Variants in FGGY observed in about 807,000 individuals in gnomAD.
FGGY encodes the protein FGGY carbohydrate kinase domain containing.
FGGY carries 72 observed loss-of-function variants against 71.3 expected under a neutral mutation model. The observed-to-expected ratio is 1.01, with a 90% confidence interval of 0.84 to 1.23. The LOEUF is 1.23. Among genes scored for constraint, FGGY ranks in the 50% most tolerant of loss-of-function variants. The pLI is 0.00. For synonymous variants in FGGY, 251 were observed against 250.3 expected, an observed-to-expected ratio of 1.00 and a Z score of -0.02; for missense variants, 668 against 682.3, an observed-to-expected ratio of 0.98 and a Z score of 0.23.
chr1:59,589,631 A>T (rs1415303193), intron 8 of FGGY, among the ~76,000 whole-genome samples: 5 of 152,164 alleles, frequency 3.3e-5, no homozygotes, highest in African/African-American at 4.8e-5. Flanking sequence ...GGATTCAGAA[A>T]CTCACTCAAA....
Position 59,619,169 on chromosome 1 carries a change from T to C in FGGY, c.1012-6819T>C, listed in dbSNP as rs182315682. Among the ~76,000 whole-genome samples the C allele has an allele frequency of 3.0e-3, 457 of 152,242 alleles. 5 individuals are homozygous for C. The highest frequency in any genetic ancestry group is 0.01 in the African/African-American group (434 of 41,546). On this transcript the variant is annotated intron_variant, in intron 9 of 15. Transcript: ENST00000303721. ...ATAAAGTCTTAATTCTTTAGAGTGA[T>C]GTTTATTTATACAGCCAGTATTTAC... is the stretch of plus-strand genomic sequence containing the variant.
In FGGY at chr1:59,340,047, C is replaced by T; in HGVS notation, c.291C>T (p.His97=). ...TGGTTGTTTTGGATAAGCAGTTTCACCCATTACCAGTCAACCAGGAAGGTA... is the reference window on the plus strand; with the variant it reads ...TGGTTGTTTTGGATAAGCAGTTTCATCCATTACCAGTCAACCAGGAAGGTA... ...CSLVVLDKQF[H]PLPVNQEGDS... is the part of the protein sequence containing the mutation. Residue 97 remains histidine (H), a synonymous_variant, in exon 3 of 16, where the codon CAC becomes CAT. Coordinates refer to ENST00000303721, the MANE Select transcript of FGGY (RefSeq NM_018291.5). The T allele has an allele frequency of 6.2e-7, 1 of 1,612,392 alleles. No homozygotes were observed.
intron 5 of FGGY, among the ~76,000 whole-genome samples, chr1:59,388,484 C>A (rs774961195): frequency 2.6e-5 from 4 of 152,118 alleles, no homozygotes; most frequent in Non-Finnish European, 5.9e-5. Flanking sequence ...GTGGAAGTCT[C>A]ATTCTCCCCA....
Position 59,346,405 on chromosome 1 carries a change from G to A in FGGY, c.465+7G>A, listed in dbSNP as rs1244170269. On this transcript the variant is annotated splice_region_variant and intron_variant, in intron 4 of 15. Transcript: ENST00000303721. ...ACTTCTGTGGCTGAAAGAGGTGAGT[G>A]CATAGGGTCTAAGAGAAGATACCAA... The A allele has an allele frequency of 6.2e-7, 1 of 1,611,004 alleles. No homozygotes were observed. The highest frequency in any genetic ancestry group is 2.2e-5 in the East Asian group (1 of 44,876).
chr1:59,305,210 G>A (rs937491214), intron 1 of FGGY, among the ~76,000 whole-genome samples: 3 of 152,116 alleles, frequency 2.0e-5, no homozygotes, highest in Admixed American at 2.0e-4. Flanking sequence ...TATATAGTCT[G>A]TATAATGTTG....
In FGGY at chr1:59,313,957, AT is replaced by A. The variant is rs574411845; in HGVS notation, c.-14-7569del. On this transcript the variant is annotated intron_variant, in intron 1 of 15. Coordinates refer to ENST00000303721, the MANE Select transcript of FGGY (RefSeq NM_018291.5). ...ACCTGTTCCCCAAAAACCTACGGAA[AT>A]TTTTTTTTTCTTTTTTTTTTTGAGA... Among the ~76,000 whole-genome samples the A allele has an allele frequency of 7.7e-4, 116 of 149,802 alleles. 1 individual carries two copies. The highest frequency in any genetic ancestry group is 7.7e-3 in the South Asian group (36 of 4,700).
chr1:59,358,503 G>A lies in FGGY; in HGVS notation c.465+12105G>A, dbSNP rs568884076. 1.4e-3 allele frequency among the ~76,000 whole-genome samples: 207 copies of A among 151,722 alleles called. 1 individual carries two copies. The highest frequency in any genetic ancestry group is 4.8e-3 in the African/African-American group (197 of 41,396). On this transcript the variant is annotated intron_variant, in intron 4 of 15. Coordinates refer to ENST00000303721, the MANE Select transcript of FGGY (RefSeq NM_018291.5). ...CCATTACCCGCCCTGCCACCCCCCC[G>A]CCATGTTTTATTATCAAAATTTCAA...
At chr1:59,694,533 C>A (rs1183884985) in intron 14 of FGGY, among the ~76,000 whole-genome samples, 1 of 151,990 alleles carries the variant, frequency 6.6e-6, no homozygotes, top group Non-Finnish European at 1.5e-5. Flanking sequence ...AAAGGGACAA[C>A]CAGGACAAAG....
rs1248130702 is a variant in FGGY at position 59,457,099 on chromosome 1, G to GC, written c.670+23_670+24insC. On this transcript the variant is annotated intron_variant, in intron 6 of 15. Transcript: ENST00000303721. ...TAGGTAAAAGAATAAAACATCTGTA[G>GC]AGTGATTATGTGCATTGGAGGATCT... The GC allele has an allele frequency of 4.6e-6, 7 of 1,514,792 alleles. No individual in the cohort carries two copies. The African/African-American group carries it at 9.6e-5, about 21-fold the overall frequency. The allele number at this position is 1,514,792 out of a possible 1,614,324, so 93.8% of individuals were successfully genotyped here.
intron 13 of FGGY, among the ~76,000 whole-genome samples, chr1:59,670,607 G>A (rs1233151206): frequency 6.6e-6 from 1 of 151,944 alleles, no homozygotes; most frequent in African/African-American, 2.4e-5. Context: ...ATGCTTGCGA[G>A]TTTGTGAGCA....
At chr1:59,469,184 C>G (rs375116162) in intron 6 of FGGY, among the ~76,000 whole-genome samples, 1 of 152,190 alleles carries the variant, frequency 6.6e-6, no homozygotes, top group Non-Finnish European at 1.5e-5. Context: ...GCCCACAGGC[C>G]TGAGTACAGG....
chr1:59,369,291 C>A (rs1371908621), intron 4 of FGGY, among the ~76,000 whole-genome samples: 1 of 152,182 alleles, frequency 6.6e-6, no homozygotes, highest in African/African-American at 2.4e-5. Flanking sequence ...GTCGTACGCC[C>A]ACGGAGTCTC....
At chr1:59,462,521 A>C (rs776090532) in intron 6 of FGGY, among the ~76,000 whole-genome samples, 1 of 152,208 alleles carries the variant, frequency 6.6e-6, no homozygotes, top group Admixed American at 6.5e-5. Context: ...GTGAACAGGC[A>C]ACCCACAAAA....
At chr1:59,579,986 C>G (rs1212149294) in intron 8 of FGGY, among the ~76,000 whole-genome samples, 1 of 152,180 alleles carries the variant, frequency 6.6e-6, no homozygotes, top group Non-Finnish European at 1.5e-5. Flanking sequence ...AAGCACACCT[C>G]TGCCACAGGG....
chr1:59,572,201 G>C (rs952559599), intron 8 of FGGY, among the ~76,000 whole-genome samples: 2 of 152,168 alleles, frequency 1.3e-5, no homozygotes, highest in African/African-American at 4.8e-5. Context: ...TAATTTGGGT[G>C]GTCTAGAAGG....
intron 3 of FGGY, among the ~76,000 whole-genome samples, chr1:59,342,893 A>G (rs2050994579): frequency 6.6e-6 from 1 of 152,234 alleles, no homozygotes; most frequent in Non-Finnish European, 1.5e-5. Flanking sequence ...GCATTAGTCT[A>G]TGATAAAATA....
At chr1:59,400,544 T>G (rs2061822010) in intron 5 of FGGY, among the ~76,000 whole-genome samples, 1 of 149,180 alleles carries the variant, frequency 6.7e-6, no homozygotes, top group Non-Finnish European at 1.5e-5. Flanking sequence ...AATTCTGTTT[T>G]GTTTTTTTTT....
intron 4 of FGGY, among the ~76,000 whole-genome samples, chr1:59,353,314 T>G (rs2053647415): frequency 6.6e-6 from 1 of 152,202 alleles, no homozygotes; most frequent in Non-Finnish European, 1.5e-5. Flanking sequence ...CTGATGGGCA[T>G]TTCAGTAACA....
At chr1:59,328,862 C>G (rs919718659) in intron 2 of FGGY, among the ~76,000 whole-genome samples, 1 of 151,980 alleles carries the variant, frequency 6.6e-6, no homozygotes, top group African/African-American at 2.4e-5. Flanking sequence ...GCAGTGAGAA[C>G]ACACACCACA....
Sources: gnomAD v4.1 joint callset for allele counts (sites outside exome capture counted in the v4.1 genomes callset) on GRCh38, gnomAD v4.1.1 for gene constraint, MANE v1.5 for transcripts, NCBI Gene and HGNC (gene_info 2026-07-23, HGNC 2026-07-21) for gene names.